Variants in CDC42BPB observed in about 807,000 individuals in gnomAD.
The protein encoded by CDC42BPB is CDC42 binding protein kinase beta, also known as serine/threonine-protein kinase MRCK beta.
CDC42BPB carries 37 observed loss-of-function variants against 214.9 expected under a neutral mutation model. The ratio of observed to expected loss-of-function variants is 0.17; its 90% CI spans 0.13 to 0.23. The LOEUF is 0.23. CDC42BPB is among the 10% of genes least tolerant of loss of function. CDC42BPB has a pLI of 1.00. For synonymous variants in CDC42BPB, 931 were observed against 884.0 expected, an observed-to-expected ratio of 1.05 and a Z score of -0.94; for missense variants, 1,694 against 2,227.0, an observed-to-expected ratio of 0.76 and a Z score of 4.82.
At chr14:102,947,896 T>G (rs1892257216) in intron 26 of CDC42BPB, 94 bp from the exon 27 acceptor site, 1 of 1,595,068 alleles carries the variant, frequency 6.3e-7, no homozygotes, top group Non-Finnish European at 8.5e-7. Context: ...GCCATGTCCT[T>G]CCACCACCGT....
At position 102,933,803 on chromosome 14, in the gene CDC42BPB, C is replaced by A; in HGVS notation, c.5045G>T (p.Ser1682Ile). The change falls in exon 37 of 37, where the codon AGC (serine) becomes ATC (isoleucine). Residue 1682 changes from serine to isoleucine, a missense_variant. Ser to Ile is a moderately radical substitution (Grantham distance 142, BLOSUM62 -2). Transcript: ENST00000361246. ...GCTCGGTGGGCCGCTGGGGTTGGAG[C>A]TATTCGATGGAGTTGAGTGTTTGGT... is the stretch of plus-strand genomic sequence containing the variant. ...DSTKHSTPSN[S>I]SNPSGPPSPN... 1 of 1,512,898 alleles carries A rather than the reference C, an allele frequency of 6.6e-7. No homozygotes were observed. Among genetic ancestry groups the A allele is most frequent in the Admixed American group, 2.6e-5 (1 of 38,322 alleles). The allele number at this position is 1,512,898 out of a possible 1,614,324, so 93.7% of individuals were successfully genotyped here. A position where few individuals can be genotyped will look rare whatever the true frequency, so the allele number is the denominator to read the frequency against.
Position 102,933,513 on chromosome 14 carries a change from G to C in CDC42BPB, c.*199C>G. 2.1e-6 allele frequency: 1 copy of C among 472,278 alleles called. No homozygotes were observed. Among genetic ancestry groups the C allele is most frequent in the Non-Finnish European group, 3.6e-6 (1 of 278,436 alleles). The allele number at this position is 472,278 out of a possible 1,614,324, so 29.3% of individuals were successfully genotyped here. On this transcript the variant is annotated 3_prime_UTR_variant, in exon 37 of 37. Transcript: ENST00000361246. ...AACAGCATCGCCTCACAGCTGTGCA[G>C]ACGAACAGATGTGGTCTACTGCCAC...
In CDC42BPB at chr14:102,999,562, T is replaced by C; in HGVS notation, c.596+3A>G. The C allele has an allele frequency of 6.2e-7, 1 of 1,613,756 alleles. No homozygotes were observed. Among genetic ancestry groups the C allele is most frequent in the Non-Finnish European group, 8.5e-7 (1 of 1,179,732 alleles). On this transcript the variant is annotated splice_donor_region_variant and intron_variant, in intron 5 of 36. Coordinates refer to ENST00000361246, the MANE Select transcript of CDC42BPB (RefSeq NM_006035.4). ...TCCATAAAATATATCAGAAGCCGGT[T>C]ACCTGTGCACGTAATGAAGCTGATG...
At chr14:103,045,863 G>A (rs1330288923) in intron 1 of CDC42BPB, among the ~76,000 whole-genome samples, 1 of 152,186 alleles carries the variant, frequency 6.6e-6, no homozygotes, top group Non-Finnish European at 1.5e-5. Flanking sequence ...CAGGAATTTT[G>A]TTTTCTTCAC....
chr14:102,974,281 T>TAA, intron 11 of CDC42BPB, 132 bp from the exon 12 acceptor site: 1 of 1,315,120 alleles, frequency 7.6e-7, no homozygotes. Context: ...TTTTTTTACT[T>TAA]ACACACACAC....
chr14:102,990,198 A>G (rs1291075758), intron 5 of CDC42BPB, among the ~76,000 whole-genome samples: 2 of 152,250 alleles, frequency 1.3e-5, no homozygotes, highest in African/African-American at 4.8e-5. Context: ...AATGAATCCA[A>G]CTGTATTTCA....
chr14:103,042,217 A>C (rs1888039351), intron 1 of CDC42BPB: 1 of 153,370 alleles, frequency 6.5e-6, no homozygotes, highest in Non-Finnish European at 1.5e-5. Flanking sequence ...GACAACCCAC[A>C]AAATGGGAGA....
In CDC42BPB at chr14:103,004,099, C is replaced by A; in HGVS notation, c.352-76G>T. 1.4e-6 allele frequency: 2 copies of A among 1,456,524 alleles called. No homozygotes were observed. The highest frequency in any genetic ancestry group is 1.8e-6 in the Non-Finnish European group (2 of 1,098,734). The allele number at this position is 1,456,524 out of a possible 1,614,324, so 90.2% of individuals were successfully genotyped here. ...AGAGCGTACTGCCGGTCTCGGGGTC[C>A]CTCCTGGGACAGTGGCTCCAGCCAC... On this transcript the variant is annotated intron_variant, in intron 3 of 36. Coordinates refer to ENST00000361246, the MANE Select transcript of CDC42BPB (RefSeq NM_006035.4). This position sits in a 1 kb window ranked among gnomAD's most constrained non-coding sequence, Gnocchi z 5.3.
intron 36 of CDC42BPB, among the ~76,000 whole-genome samples, chr14:102,935,558 G>C (rs1339807155): frequency 6.6e-6 from 1 of 152,178 alleles, no homozygotes; most frequent in Non-Finnish European, 1.5e-5. Flanking sequence ...GGGAGGCCAA[G>C]GCGGGCAGAT....
intron 30 of CDC42BPB, chr14:102,940,776 C>A: frequency 4.3e-6 from 1 of 232,560 alleles, no homozygotes; most frequent in South Asian, 6.4e-5. Flanking sequence ...ACAGAAACCA[C>A]TGCTGACCTC....
intron 11 of CDC42BPB, chr14:102,974,428 C>T: frequency 1.1e-6 from 1 of 912,556 alleles, no homozygotes; most frequent in Non-Finnish European, 1.3e-6. Flanking sequence ...GGGTGGCGCA[C>T]ACACTCGTCT....
At chr14:102,983,213 T>C (rs1440957495) in intron 7 of CDC42BPB, among the ~76,000 whole-genome samples, 2 of 152,154 alleles carry the variant, frequency 1.3e-5, no homozygotes, top group Non-Finnish European at 2.9e-5. Flanking sequence ...CCTCACTCCA[T>C]GCGCCTGTGC....
chr14:102,957,713 G>A (rs1892774099), intron 21 of CDC42BPB, among the ~76,000 whole-genome samples: 1 of 152,272 alleles, frequency 6.6e-6, no homozygotes, highest in African/African-American at 2.4e-5. Context: ...CTGCTTGGGT[G>A]TTGTAATGAC....
intron 2 of CDC42BPB, among the ~76,000 whole-genome samples, chr14:103,011,201 C>A (rs1236548763): frequency 6.6e-6 from 1 of 152,246 alleles, no homozygotes; most frequent in East Asian, 1.9e-4. Context: ...CCACACCGTG[C>A]CACGGGCCTC....
chr14:102,974,390 C>T (rs952683941), intron 11 of CDC42BPB: 22 of 983,274 alleles, frequency 2.2e-5, no homozygotes, highest in South Asian at 4.7e-5. Context: ...GATCTGACAG[C>T]GATCTCCCCT....
chr14:103,018,746 TG>T (rs1886607834), intron 1 of CDC42BPB, among the ~76,000 whole-genome samples: 1 of 152,200 alleles, frequency 6.6e-6, no homozygotes, highest in African/African-American at 2.4e-5. Flanking sequence ...TCTGAAATCG[TG>T]AAGAGACCAT....
In CDC42BPB at chr14:102,975,790, G is replaced by C; in HGVS notation, c.1401C>G (p.Thr467=). 6.2e-7 allele frequency: 1 copy of C among 1,614,180 alleles called. No individual in the cohort carries two copies. The highest frequency in any genetic ancestry group is 8.5e-7 in the Non-Finnish European group (1 of 1,180,030). The part of the protein sequence containing the change: ...LSRKLQESTQ[T]VQSLHGSSRA... ...GAGATGAGCCGTGGAGGGACTGCAC[G>C]GTCTGGGTGGACTCTGAGGGATGGA... Residue 467 remains threonine (T), a synonymous_variant, in exon 11 of 37, where the codon ACC becomes ACG. Coordinates refer to ENST00000361246, the MANE Select transcript of CDC42BPB (RefSeq NM_006035.4).
chr14:103,038,645 G>T (rs1369433722), intron 1 of CDC42BPB, among the ~76,000 whole-genome samples: 1 of 146,112 alleles, frequency 6.8e-6, no homozygotes. Flanking sequence ...TCCCACCTCA[G>T]CCTCCCGAGT....
At chr14:103,006,578 A>G (rs554909525) in intron 3 of CDC42BPB, among the ~76,000 whole-genome samples, 8 of 152,232 alleles carry the variant, frequency 5.3e-5, no homozygotes, top group African/African-American at 1.7e-4. Context: ...TATAAACTAC[A>G]CTGCTTAGCA....
Sources: gnomAD v4.1 joint callset for allele counts (sites outside exome capture counted in the v4.1 genomes callset) on GRCh38, gnomAD v4.1.1 for gene constraint, Gnocchi (gnomAD v3.1) non-coding constraint, MANE v1.5 for transcripts, NCBI Gene and HGNC (gene_info 2026-07-23, HGNC 2026-07-21) for gene names.